The following XPR1 variants were observed in gnomAD, a reference collection of about 807,000 sequenced individuals.
The protein encoded by XPR1 is solute carrier family 53 member 1.
A neutral mutation model predicts 87.5 loss-of-function variants in XPR1; 28 were observed. The ratio of observed to expected loss-of-function variants is 0.32; its 90% CI spans 0.24 to 0.44. XPR1 has a LOEUF of 0.44. Among genes scored for constraint, XPR1 ranks in the 20% least tolerant of loss-of-function variants. XPR1 has a pLI of 1.00. For synonymous variants in XPR1, 300 were observed against 306.1 expected, an observed-to-expected ratio of 0.98 and a Z score of 0.21; for missense variants, 559 against 862.3, an observed-to-expected ratio of 0.65 and a Z score of 4.41.
chr1:180,695,838 G>A (rs1657146297), intron 2 of XPR1, among the ~76,000 whole-genome samples: 1 of 152,086 alleles, frequency 6.6e-6, no homozygotes, highest in Non-Finnish European at 1.5e-5. Context: ...CTATAGCTTT[G>A]TAGTATACTT....
At chr1:180,744,148 C>G (rs1180356935) in intron 2 of XPR1, among the ~76,000 whole-genome samples, 2 of 152,166 alleles carry the variant, frequency 1.3e-5, no homozygotes, top group Admixed American at 6.5e-5. Flanking sequence ...GAGATCCTCC[C>G]TCTTCCTCTC....
chr1:180,839,815 G>A (rs1336509748), intron 11 of XPR1, among the ~76,000 whole-genome samples: 1 of 152,186 alleles, frequency 6.6e-6, no homozygotes, highest in Non-Finnish European at 1.5e-5. Flanking sequence ...ATGGTAAATT[G>A]TGAAAAGGTA....
intron 1 of XPR1, among the ~76,000 whole-genome samples, chr1:180,658,186 G>T (rs377064221): frequency 6.6e-6 from 1 of 152,030 alleles, no homozygotes; most frequent in Non-Finnish European, 1.5e-5. Context: ...TAGTCTTTTC[G>T]GTGGAATGTT....
At chr1:180,759,539 C>T (rs561051542) in intron 2 of XPR1, among the ~76,000 whole-genome samples, 1 of 152,308 alleles carries the variant, frequency 6.6e-6, no homozygotes, top group South Asian at 2.1e-4. Flanking sequence ...TTCCTCGACA[C>T]ATACACCCTC....
At chr1:180,874,956 G>A (rs1405162467) in intron 13 of XPR1, among the ~76,000 whole-genome samples, 1 of 152,164 alleles carries the variant, frequency 6.6e-6, no homozygotes, top group East Asian at 1.9e-4. Context: ...ATTTCCTTCA[G>A]TGATAGATAA....
At chr1:180,873,417 A>C (rs1352741209) in intron 12 of XPR1, among the ~76,000 whole-genome samples, 10 of 152,254 alleles carry the variant, frequency 6.6e-5, no homozygotes, top group Admixed American at 5.9e-4. Context: ...TAAATCTGCT[A>C]ATCTTTTCTG....
rs137863508 is a variant in XPR1, at chr1:180,798,494, G to A, written c.224-4894G>A. Among the ~76,000 whole-genome samples the A allele has an allele frequency of 3.4e-4, 52 of 152,234 alleles. No individual in the cohort carries two copies. The East Asian group carries it at 6.4e-3, about 19-fold the overall frequency. ...TGGTATCTTTATTTTCCCAAGACCC[G>A]TTCCATATTTCCTTTGCCCTCAGCC... On this transcript the variant is annotated intron_variant, in intron 3 of 14. Transcript: ENST00000367590.
At chr1:180,749,356 T>A (rs1647423459) in intron 2 of XPR1, among the ~76,000 whole-genome samples, 1 of 152,236 alleles carries the variant, frequency 6.6e-6, no homozygotes, top group African/African-American at 2.4e-5. Context: ...AAGTTCCTTA[T>A]GTCATTAGTG....
At chr1:180,694,078 C>T (rs1177114433) in intron 2 of XPR1, among the ~76,000 whole-genome samples, 5 of 152,248 alleles carry the variant, frequency 3.3e-5, no homozygotes, top group Admixed American at 2.0e-4. Flanking sequence ...CCACCTCAGT[C>T]TCCCGAGTAG....
At chr1:180,685,447 CT>C (rs1340747796) in intron 2 of XPR1, among the ~76,000 whole-genome samples, 1 of 152,058 alleles carries the variant, frequency 6.6e-6, no homozygotes, top group Non-Finnish European at 1.5e-5. Flanking sequence ...CTAAAATTCT[CT>C]TTTTTTGTTG....
At chr1:180,832,801 C>T (rs958495982) in intron 9 of XPR1, among the ~76,000 whole-genome samples, 8 of 152,124 alleles carry the variant, frequency 5.3e-5, no homozygotes, top group African/African-American at 1.9e-4. Context: ...AGCATGATGC[C>T]TCCAGCTTTG....
chr1:180,825,975 C>G (rs1650818399), intron 9 of XPR1, among the ~76,000 whole-genome samples: 1 of 151,976 alleles, frequency 6.6e-6, no homozygotes, highest in African/African-American at 2.4e-5. Context: ...GCTAGAACCC[C>G]AGAGGTGGAA....
rs761420558 is a variant in XPR1 at position 180,738,102 on chromosome 1, C to T, written c.122-49651C>T. ...TCTTGGCTCACTGCAACCTCCTCCT[C>T]CTGGGTTCAAGTGATTCTCCTGCGT... On this transcript the variant is annotated intron_variant, in intron 2 of 14. Coordinates refer to ENST00000367590, the MANE Select transcript of XPR1 (RefSeq NM_004736.4). Among the ~76,000 whole-genome samples, 21 of 152,280 alleles carry T rather than the reference C, an allele frequency of 1.4e-4. No individual in the cohort carries two copies. In the Middle Eastern group the frequency reaches 0.017, roughly 123 times the overall value.
intron 1 of XPR1, among the ~76,000 whole-genome samples, chr1:180,658,651 G>A (rs1011132587): frequency 6.6e-6 from 1 of 151,668 alleles, no homozygotes; most frequent in East Asian, 1.9e-4. Context: ...TGCAAGCTCC[G>A]CCTCCCAGGT....
At chr1:180,828,625 T>C (rs1018544237) in intron 9 of XPR1, among the ~76,000 whole-genome samples, 2 of 152,216 alleles carry the variant, frequency 1.3e-5, no homozygotes, top group African/African-American at 4.8e-5. Context: ...AGAGGTGTTG[T>C]CATTTAGTAA....
intron 2 of XPR1, among the ~76,000 whole-genome samples, chr1:180,759,052 T>A (rs1017823808): frequency 8.5e-5 from 13 of 152,200 alleles, no homozygotes; most frequent in Non-Finnish European, 1.5e-4. Flanking sequence ...GAAATAAAGA[T>A]GTTCTTTGAA....
chr1:180,704,277 T>TATATATATATATATATA lies in XPR1; in HGVS notation c.121+21866_121+21867insATATATATATATATATA, dbSNP rs59197475. ...ATATATATATATATATATATATATA[T>TATATATATATATATATA]TATCAGATTATCTGTTTTGTTACTA... On this transcript the variant is annotated intron_variant, in intron 2 of 14. Transcript: ENST00000367590. Among the ~76,000 whole-genome samples, 114 of 136,082 alleles carry TATATATATATATATATA rather than the reference T, an allele frequency of 8.4e-4. 1 individual carries two copies. The highest frequency in any genetic ancestry group is 3.9e-3 in the Middle Eastern group (1 of 254). 89.3% of individuals were successfully genotyped at this position (136,082 alleles called of 152,430 possible).
At chr1:180,684,213 T>G (rs1571720673) in intron 2 of XPR1, among the ~76,000 whole-genome samples, 1 of 152,252 alleles carries the variant, frequency 6.6e-6, no homozygotes, top group Non-Finnish European at 1.5e-5. Context: ...GCACCATTTA[T>G]TAAATAGAGA....
chr1:180,822,994 C>T (rs1165133020), intron 7 of XPR1, among the ~76,000 whole-genome samples: 2 of 152,078 alleles, frequency 1.3e-5, no homozygotes, highest in Non-Finnish European at 2.9e-5. Context: ...AATCCCAGCA[C>T]TTTGGGAGGC....
Sources: gnomAD v4.1 joint callset for allele counts (sites outside exome capture counted in the v4.1 genomes callset) on GRCh38, gnomAD v4.1.1 for gene constraint, MANE v1.5 for transcripts, NCBI Gene and HGNC (gene_info 2026-07-23, HGNC 2026-07-21) for gene names.